IL1RAPL1: variants seen among roughly 807,000 people sequenced by gnomAD.
IL1RAPL1 encodes the protein interleukin 1 receptor accessory protein like 1, also known as interleukin-1 receptor accessory protein-like 1.
A neutral mutation model predicts 48.4 loss-of-function variants in IL1RAPL1; 3 were observed. The observed-to-expected ratio is 0.06, with a 90% CI of 0.03 to 0.16. The LOEUF (loss-of-function observed/expected upper bound fraction) is 0.16. Among genes scored for constraint, IL1RAPL1 ranks in the 10% least tolerant of loss-of-function variants. The pLI, the probability that IL1RAPL1 is intolerant of heterozygous loss-of-function variation, is 1.00. For missense variants in IL1RAPL1, 349 were observed against 530.6 expected, an observed-to-expected ratio of 0.66 and a Z score of 3.36; for synonymous variants, 185 against 187.7, an observed-to-expected ratio of 0.99 and a Z score of 0.12.
At chrX:28,644,444 G>A (rs1433414209) in intron 1 of IL1RAPL1, among the ~76,000 whole-genome samples, 1 of 111,360 alleles carries the variant, frequency 9.0e-6, no homozygotes, top group Non-Finnish European at 1.9e-5. Context: ...GCCCCTGAAG[G>A]ACGCAAGCAA....
rs1009168538 is a variant in IL1RAPL1, at chrX:29,590,528, C to T, written c.704-77902C>T. Among the ~76,000 whole-genome samples the T allele has an allele frequency of 4.5e-5, 5 of 111,827 alleles. No homozygotes were observed. The Admixed American group carries it at 4.7e-4, about 11-fold the overall frequency. On this transcript the variant is annotated intron_variant, in intron 5 of 10. Transcript: ENST00000378993. The stretch of plus-strand genomic sequence containing the variant: ...GGCAGGATGCTGAACTAGCCTGACG[C>T]TATGCTGGTCATGGCCTCCATGTTT...
chrX:28,779,920 T>C (rs1936403324), intron 1 of IL1RAPL1, among the ~76,000 whole-genome samples: 1 of 108,888 alleles, frequency 9.2e-6, no homozygotes, highest in Admixed American at 9.9e-5. Context: ...GACAAGATGT[T>C]ACACCTGACT....
chrX:29,370,708 C>A (rs968299248), intron 3 of IL1RAPL1, among the ~76,000 whole-genome samples: 1 of 109,921 alleles, frequency 9.1e-6, no homozygotes, highest in Non-Finnish European at 1.9e-5. Context: ...AAGAAAAATA[C>A]CTCCGGAGGA....
At chrX:29,012,053 TG>T (rs1926134509) in intron 2 of IL1RAPL1, among the ~76,000 whole-genome samples, 1 of 112,550 alleles carries the variant, frequency 8.9e-6, no homozygotes, top group African/African-American at 3.2e-5. Flanking sequence ...GTGTCTGTTA[TG>T]TACAGATTTT....
At chrX:29,545,648 G>T (rs1463331883) in intron 5 of IL1RAPL1, among the ~76,000 whole-genome samples, 3 of 111,906 alleles carry the variant, frequency 2.7e-5, no homozygotes, top group African/African-American at 6.5e-5. Context: ...CATTCATTTT[G>T]CTCTGCGTTA....
At chrX:28,949,956 T>G (rs1405201061) in intron 2 of IL1RAPL1, among the ~76,000 whole-genome samples, 1 of 110,797 alleles carries the variant, frequency 9.0e-6, no homozygotes. Flanking sequence ...AGATCCCATT[T>G]GTCAATTTTG....
At chrX:28,637,868 A>G (rs1934484205) in intron 1 of IL1RAPL1, among the ~76,000 whole-genome samples, 1 of 112,423 alleles carries the variant, frequency 8.9e-6, no homozygotes. Flanking sequence ...ATTTTGTAAG[A>G]CATAAGGCTT....
Position 29,303,087 on chromosome X carries a change from C to T in IL1RAPL1, c.362+19870C>T, listed in dbSNP as rs185154716. ...TAGTTCTCTAGCATTTCTGGCTTGCCCTTCATGAAGACCAAGGTTGGTCTC... is the reference window on the plus strand; with the variant it reads ...TAGTTCTCTAGCATTTCTGGCTTGCTCTTCATGAAGACCAAGGTTGGTCTC... On this transcript the variant is annotated intron_variant, in intron 3 of 10. Transcript: ENST00000378993. Among the ~76,000 whole-genome samples, 65 of 111,668 alleles carry T rather than the reference C, an allele frequency of 5.8e-4. 1 individual carries two copies. Among genetic ancestry groups the T allele is most frequent in the African/African-American group, 2.1e-3 (64 of 30,779 alleles).
chrX:29,711,411 G>A (rs949267460), intron 6 of IL1RAPL1, among the ~76,000 whole-genome samples: 1 of 109,832 alleles, frequency 9.1e-6, no homozygotes, highest in Non-Finnish European at 1.9e-5. Flanking sequence ...TTGAACTCCC[G>A]ACCTCAAGTG....
intron 5 of IL1RAPL1, among the ~76,000 whole-genome samples, chrX:29,577,830 T>TAA (rs1412237687): frequency 8.9e-6 from 1 of 111,946 alleles, no homozygotes; most frequent in East Asian, 2.8e-4. Flanking sequence ...GTGCTTTTTA[T>TAA]AAGTTGCCTT....
At chrX:29,181,209 T>G (rs1930137376) in intron 2 of IL1RAPL1, among the ~76,000 whole-genome samples, 1 of 111,207 alleles carries the variant, frequency 9.0e-6, no homozygotes, top group Non-Finnish European at 1.9e-5. Context: ...CATCCTAGGT[T>G]TCTGATGAGG....
intron 5 of IL1RAPL1, among the ~76,000 whole-genome samples, chrX:29,644,592 G>A (rs1602343232): frequency 9.3e-6 from 1 of 107,950 alleles, no homozygotes; most frequent in African/African-American, 3.4e-5. Context: ...TTTGAGACAC[G>A]TGCTCACTCT....
chrX:29,525,128 G>A lies in IL1RAPL1; in HGVS notation c.703+125820G>A, dbSNP rs1935540390. ...GTGATTCATTAGCCCAAGTACACTT[G>A]AAGTTCCCATTTTAGAATTGCTTTC... On this transcript the variant is annotated intron_variant, in intron 5 of 10. Coordinates refer to ENST00000378993, the MANE Select transcript of IL1RAPL1 (RefSeq NM_014271.4). 2.7e-5 allele frequency among the ~76,000 whole-genome samples: 3 copies of A among 112,112 alleles called. No individual in the cohort carries two copies. The Admixed American group carries it at 2.8e-4, about 11-fold the overall frequency.
At chrX:29,882,586 T>G (rs1458621974) in intron 6 of IL1RAPL1, among the ~76,000 whole-genome samples, 1 of 111,547 alleles carries the variant, frequency 9.0e-6, no homozygotes. Flanking sequence ...AACTGTGCCT[T>G]TATAGTATAA....
chrX:29,246,752 G>A (rs1602133183), intron 2 of IL1RAPL1, among the ~76,000 whole-genome samples: 1 of 111,355 alleles, frequency 9.0e-6, no homozygotes, highest in African/African-American at 3.3e-5. Flanking sequence ...TCTTCCCAAT[G>A]AGGTAAGGTT....
At chrX:29,185,314 G>C (rs1484017379) in intron 2 of IL1RAPL1, among the ~76,000 whole-genome samples, 1 of 111,403 alleles carries the variant, frequency 9.0e-6, no homozygotes, top group African/African-American at 3.3e-5. Context: ...ATATTCTTAC[G>C]TTTTGTTTTT....
intron 2 of IL1RAPL1, among the ~76,000 whole-genome samples, chrX:29,128,091 C>G (rs1403119246): frequency 3.6e-5 from 4 of 111,198 alleles, no homozygotes; most frequent in Admixed American, 9.6e-5. Context: ...AGGATCCCCC[C>G]ACAAATTACT....
intron 2 of IL1RAPL1, among the ~76,000 whole-genome samples, chrX:29,150,469 A>G (rs1929440116): frequency 9.0e-6 from 1 of 111,679 alleles, no homozygotes; most frequent in Non-Finnish European, 1.9e-5. Flanking sequence ...GTGGTGGAGT[A>G]GAAAGAAGGC....
Position 29,195,252 on chromosome X carries a change from TA to T in IL1RAPL1, c.83-87683del, listed in dbSNP as rs746535065. 5.4e-5 allele frequency among the ~76,000 whole-genome samples: 6 copies of T among 111,913 alleles called. 1 individual carries two copies. In the South Asian group the frequency reaches 2.3e-3, roughly 42 times the overall value. On this transcript the variant is annotated intron_variant, in intron 2 of 10. Transcript: ENST00000378993. ...GAGACCTAGGTTCTGACGTCAGTCC[TA>T]AACTGTGAAGTAGAAATTCTGTGTG...
Sources: allele counts gnomAD v4.1 joint callset (sites outside exome capture counted in the v4.1 genomes callset), GRCh38; gene constraint gnomAD v4.1.1; transcripts MANE v1.5; gene names NCBI Gene and HGNC (gene_info 2026-07-23, HGNC 2026-07-21).